XYLT1: variants seen among roughly 807,000 people sequenced by gnomAD.
XYLT1 encodes beta-D-xylosyltransferase 1.
A neutral mutation model predicts 91.3 loss-of-function variants in XYLT1; 36 were observed. That is an observed-to-expected ratio of 0.39 (90% CI 0.30 to 0.52). The LOEUF is 0.52. XYLT1 is among the 20% of genes least tolerant of loss of function. The pLI is 0.68. For missense variants in XYLT1, 1,242 were observed against 1,284.5 expected (o/e 0.97, Z 0.51); for synonymous variants, 588 against 532.0 (o/e 1.11, Z -1.45).
At chr16:17,252,295 T>TA (rs1332349101) in intron 3 of XYLT1, among the ~76,000 whole-genome samples, 1 of 152,174 alleles carries the variant, frequency 6.6e-6, no homozygotes, top group Non-Finnish European at 1.5e-5. Context: ...ACTGAGCGGT[T>TA]AGGGTTATGT....
At chr16:17,295,938 T>C (rs933051974) in intron 2 of XYLT1, among the ~76,000 whole-genome samples, 2 of 152,224 alleles carry the variant, frequency 1.3e-5, no homozygotes, top group East Asian at 3.8e-4. Flanking sequence ...GAACCCCCTC[T>C]GTGCTTGCAC....
At chr16:17,261,464 G>GT (rs2033721215) in intron 2 of XYLT1, among the ~76,000 whole-genome samples, 1 of 152,122 alleles carries the variant, frequency 6.6e-6, no homozygotes, top group Non-Finnish European at 1.5e-5. Flanking sequence ...CGGTGAAGCT[G>GT]GAATTCAAAC....
At chr16:17,416,017 A>C (rs1425906955) in intron 1 of XYLT1, among the ~76,000 whole-genome samples, 1 of 152,222 alleles carries the variant, frequency 6.6e-6, no homozygotes, top group Admixed American at 6.5e-5. Flanking sequence ...TGACACAGTG[A>C]CAAGAGAAAA....
At chr16:17,360,805 T>C (rs1041508587) in intron 1 of XYLT1, among the ~76,000 whole-genome samples, 1 of 152,192 alleles carries the variant, frequency 6.6e-6, no homozygotes, top group African/African-American at 2.4e-5. Context: ...TGGTTTACAG[T>C]AGAGTAAATT....
At chr16:17,162,545 C>G (rs2031580413) in intron 5 of XYLT1, among the ~76,000 whole-genome samples, 1 of 151,968 alleles carries the variant, frequency 6.6e-6, no homozygotes, top group African/African-American at 2.4e-5. Context: ...GTGTTCTCTA[C>G]TACGAGACTG....
At chr16:17,240,149 G>T (rs1048132323) in intron 3 of XYLT1, among the ~76,000 whole-genome samples, 3 of 152,196 alleles carry the variant, frequency 2.0e-5, no homozygotes, top group African/African-American at 7.2e-5. Flanking sequence ...CAGATCCAAG[G>T]AACTGCATGA....
intron 1 of XYLT1, among the ~76,000 whole-genome samples, chr16:17,392,929 C>A (rs959722474): frequency 2.6e-5 from 4 of 152,160 alleles, no homozygotes; most frequent in African/African-American, 9.7e-5. Flanking sequence ...TGTTCCCCTA[C>A]CCCCTCCTTT....
chr16:17,242,131 C>T (rs2033354269), intron 3 of XYLT1, among the ~76,000 whole-genome samples: 1 of 152,220 alleles, frequency 6.6e-6, no homozygotes, highest in Admixed American at 6.5e-5. Flanking sequence ...TCCCATGACA[C>T]ATGGGAATTG....
chr16:17,118,323 G>A (rs966983531), intron 10 of XYLT1, among the ~76,000 whole-genome samples: 1 of 125,830 alleles, frequency 7.9e-6, no homozygotes, highest in East Asian at 2.1e-4. Context: ...TTGCTTGCAG[G>A]CCATTCCACA....
At chr16:17,451,095 C>T (rs147429812) in intron 1 of XYLT1, among the ~76,000 whole-genome samples, 1 of 152,268 alleles carries the variant, frequency 6.6e-6, no homozygotes, top group East Asian at 1.9e-4. Flanking sequence ...CTTCAAAGAA[C>T]GTGATCAACT....
chr16:17,377,472 C>A (rs1223814619), intron 1 of XYLT1, among the ~76,000 whole-genome samples: 2 of 152,096 alleles, frequency 1.3e-5, no homozygotes, highest in African/African-American at 4.8e-5. Flanking sequence ...GGCGGGACAG[C>A]CAGCCTGCTC....
intron 2 of XYLT1, among the ~76,000 whole-genome samples, chr16:17,349,011 G>T (rs1222068183): frequency 6.6e-6 from 1 of 152,244 alleles, no homozygotes; most frequent in African/African-American, 2.4e-5. Context: ...AGCACCACGG[G>T]CTTCTGCCTC....
At chr16:17,412,877 T>C (rs1284254422) in intron 1 of XYLT1, among the ~76,000 whole-genome samples, 1 of 152,228 alleles carries the variant, frequency 6.6e-6, no homozygotes, top group African/African-American at 2.4e-5. Context: ...GTCAGAAGAA[T>C]GTGTAACTGG....
intron 2 of XYLT1, among the ~76,000 whole-genome samples, chr16:17,268,895 A>G (rs2033846897): frequency 6.6e-6 from 1 of 151,940 alleles, no homozygotes. Context: ...CTGGTCTCAA[A>G]CTCCTGACTT....
intron 1 of XYLT1, among the ~76,000 whole-genome samples, chr16:17,383,310 C>T (rs1183991612): frequency 6.6e-6 from 1 of 151,878 alleles, no homozygotes; most frequent in East Asian, 2.0e-4. Flanking sequence ...CTTCCCAATT[C>T]AAGACGTTTT....
chr16:17,248,612 G>A (rs2033481907), intron 3 of XYLT1, among the ~76,000 whole-genome samples: 1 of 152,036 alleles, frequency 6.6e-6, no homozygotes, highest in Non-Finnish European at 1.5e-5. Flanking sequence ...CTTTGCACAC[G>A]ATACTCCCTT....
At chr16:17,393,627 T>C (rs2035847718) in intron 1 of XYLT1, among the ~76,000 whole-genome samples, 2 of 152,094 alleles carry the variant, frequency 1.3e-5, no homozygotes, top group Admixed American at 6.6e-5. Flanking sequence ...AAAAATGTCA[T>C]ATGAGTCTGG....
intron 8 of XYLT1, among the ~76,000 whole-genome samples, chr16:17,135,694 A>G (rs2030691769): frequency 6.6e-6 from 1 of 152,214 alleles, no homozygotes; most frequent in African/African-American, 2.4e-5. Flanking sequence ...GCAAGTCACT[A>G]TCAGAGATGG....
intron 3 of XYLT1, among the ~76,000 whole-genome samples, chr16:17,245,304 G>T (rs181450132): frequency 1.3e-5 from 2 of 152,066 alleles, no homozygotes; most frequent in Non-Finnish European, 2.9e-5. Context: ...CACTTTGGTC[G>T]CTGCAAATAT....
Sources: allele counts gnomAD v4.1 joint callset (sites outside exome capture counted in the v4.1 genomes callset), GRCh38; gene constraint gnomAD v4.1.1; transcripts MANE v1.5; gene names NCBI Gene and HGNC (gene_info 2026-07-23, HGNC 2026-07-21).